CCDC134: variants seen among roughly 807,000 people sequenced by gnomAD.
CCDC134 encodes coiled-coil domain-containing protein 134.
A neutral mutation model predicts 25.6 loss-of-function variants in CCDC134; 27 were observed. The ratio of observed to expected loss-of-function variants is 1.05; its 90% CI spans 0.78 to 1.45. CCDC134 has a LOEUF of 1.45. Ranked by LOEUF, CCDC134 falls within the 40% of genes most tolerant of loss-of-function variation. The pLI is 0.00. For synonymous variants in CCDC134, 110 were observed against 115.0 expected (o/e 0.96, Z 0.28); for missense variants, 261 against 286.7 (o/e 0.91, Z 0.65).
chr22:41,808,123 C>T (rs764402190), intron 1 of CCDC134, among the ~76,000 whole-genome samples: 2 of 151,484 alleles, frequency 1.3e-5, no homozygotes, highest in Non-Finnish European at 2.9e-5. Flanking sequence ...TTGCGCCATT[C>T]CACTCCAGCC....
In CCDC134 at chr22:41,813,195, G is replaced by C. The variant is rs765985176; in HGVS notation, c.311-69G>C. ...TGGTGGATGTCTCTGTTCTCTAGAGGATGCCAGGGGCCAGTGAGGCAGCCA... is the reference window on the plus strand; with the variant it reads ...TGGTGGATGTCTCTGTTCTCTAGAGCATGCCAGGGGCCAGTGAGGCAGCCA... On this transcript the variant is annotated intron_variant, in intron 4 of 6. Coordinates refer to ENST00000255784, the MANE Select transcript of CCDC134 (RefSeq NM_024821.5). The C allele has an allele frequency of 4.0e-6, 6 of 1,504,840 alleles. No individual in the cohort carries two copies. The Admixed American group carries it at 8.5e-5, about 21-fold the overall frequency. The allele number at this position is 1,504,840 out of a possible 1,614,324, so 93.2% of individuals were successfully genotyped here.
chr22:41,831,965 G>A lies in CCDC134; in HGVS notation c.*6142G>A. On this transcript the variant is annotated 3_prime_UTR_variant, in exon 7 of 7. Transcript: ENST00000255784. ...TCCCCATTTTAGAGATGACTAAACT[G>A]AGGCTTAGAACAATTAACCCAAGGT... 6.6e-6 allele frequency: 1 copy of A among 152,132 alleles called. No homozygotes were observed. The highest frequency in any genetic ancestry group is 1.5e-5 in the Non-Finnish European group (1 of 68,034). 9.4% of individuals were successfully genotyped at this position (152,132 alleles called of 1,614,324 possible).
In CCDC134 at chr22:41,803,714, G is replaced by A. The variant is rs961125846; in HGVS notation, c.-17+2948G>A. On this transcript the variant is annotated intron_variant, in intron 1 of 6. Coordinates refer to ENST00000255784, the MANE Select transcript of CCDC134 (RefSeq NM_024821.5). The stretch of plus-strand genomic sequence containing the variant: ...ACCCGGGAGGCAGAGGTTACAGTGA[G>A]CCAAGATGGTGCCACTGCACTCCAG... Among the ~76,000 whole-genome samples the A allele has an allele frequency of 2.0e-5, 3 of 152,266 alleles. No individual in the cohort carries two copies. The East Asian group carries it at 5.8e-4, about 29-fold the overall frequency.
chr22:41,824,701 A>G (rs2076667937), intron 6 of CCDC134, among the ~76,000 whole-genome samples: 1 of 152,140 alleles, frequency 6.6e-6, no homozygotes, highest in South Asian at 2.1e-4. Flanking sequence ...TGGAGGTGGC[A>G]GTGAGCCAAG....
In CCDC134 at chr22:41,826,223, T is replaced by G; in HGVS notation, c.*400T>G. The stretch of plus-strand genomic sequence containing the variant: ...TGCCACCCTGCTGCTGGCCCCACTG[T>G]GTCACAGAGCTGCCTGGCACAGGTC... On this transcript the variant is annotated 3_prime_UTR_variant, in exon 7 of 7. Transcript: ENST00000255784. The G allele has an allele frequency of 5.4e-6, 1 of 184,844 alleles. No individual in the cohort carries two copies. Among genetic ancestry groups the G allele is most frequent in the Non-Finnish European group, 1.2e-5 (1 of 86,876 alleles). The allele number at this position is 184,844 out of a possible 1,614,324, so 11.5% of individuals were successfully genotyped here.
At position 41,828,977 on chromosome 22, in the gene CCDC134, C is replaced by T. The variant is rs1369058278; in HGVS notation, c.*3154C>T. 6.6e-6 allele frequency among the ~76,000 whole-genome samples: 1 copy of T among 152,170 alleles called. No individual in the cohort carries two copies. The highest frequency in any genetic ancestry group is 1.5e-5 in the Non-Finnish European group (1 of 68,028). ...CCTTTAAGACAGCGTTTTCCAGCAGCGGCACTATTAACGTTTGGGGCTAGG... is the reference window on the plus strand; with the variant it reads ...CCTTTAAGACAGCGTTTTCCAGCAGTGGCACTATTAACGTTTGGGGCTAGG... On this transcript the variant is annotated 3_prime_UTR_variant, in exon 7 of 7. Coordinates refer to ENST00000255784, the MANE Select transcript of CCDC134 (RefSeq NM_024821.5).
At chr22:41,802,624 A>T (rs13057327) in intron 1 of CCDC134, among the ~76,000 whole-genome samples, 2 of 152,150 alleles carry the variant, frequency 1.3e-5, no homozygotes, top group African/African-American at 4.8e-5. Flanking sequence ...AAAAATATAT[A>T]TAAATAACAT....
intron 1 of CCDC134, among the ~76,000 whole-genome samples, chr22:41,807,190 G>C (rs1305668880): frequency 1.3e-5 from 2 of 152,160 alleles, no homozygotes; most frequent in African/African-American, 4.8e-5. Flanking sequence ...AGTTATACTA[G>C]AGGAAAACAT....
chr22:41,812,951 C>A (rs185335226), intron 4 of CCDC134, among the ~76,000 whole-genome samples: 1 of 152,184 alleles, frequency 6.6e-6, no homozygotes, highest in Non-Finnish European at 1.5e-5. Flanking sequence ...CAAGATGTGC[C>A]TTTGGGCTGA....
chr22:41,810,400 G>C (rs1010669931), intron 4 of CCDC134, 109 bp downstream of exon 4: 2 of 995,624 alleles, frequency 2.0e-6, no homozygotes, highest in Non-Finnish European at 3.0e-6. Context: ...GTGCCCTCTT[G>C]TGGCACCTTC....
rs922909538 is a variant in CCDC134, at chr22:41,829,862, C to T, written c.*4039C>T. Among the ~76,000 whole-genome samples the T allele has an allele frequency of 6.6e-6, 1 of 152,082 alleles. No homozygotes were observed. The highest frequency in any genetic ancestry group is 2.4e-5 in the African/African-American group (1 of 41,398). ...GATCTCGGCTCACTGCAACCCCCGC[C>T]TCCCGGGTTCAAGTGATTCTTCTGC... On this transcript the variant is annotated 3_prime_UTR_variant, in exon 7 of 7. Coordinates refer to ENST00000255784, the MANE Select transcript of CCDC134 (RefSeq NM_024821.5).
chr22:41,811,034 C>T (rs2076593489), intron 4 of CCDC134, among the ~76,000 whole-genome samples: 2 of 152,180 alleles, frequency 1.3e-5, no homozygotes, highest in Admixed American at 1.3e-4. Flanking sequence ...CCCTGCCTGA[C>T]ATGTCTCAGA....
intron 6 of CCDC134, among the ~76,000 whole-genome samples, chr22:41,822,768 A>G (rs2076658314): frequency 6.6e-6 from 1 of 152,172 alleles, no homozygotes; most frequent in Non-Finnish European, 1.5e-5. Flanking sequence ...ACTCACAGAG[A>G]CAGGAGCAGA....
At position 41,803,249 on chromosome 22, in the gene CCDC134, C is replaced by T. The variant is rs189062545; in HGVS notation, c.-17+2483C>T. ...CTGCACTCCAGCGTGGGTGACAGAG[C>T]GAGACCCTGCCTCAAAAAACCCCAA... is the stretch of plus-strand genomic sequence containing the variant. On this transcript the variant is annotated intron_variant, in intron 1 of 6. Transcript: ENST00000255784. Among the ~76,000 whole-genome samples the T allele has an allele frequency of 2.0e-5, 3 of 151,968 alleles. No homozygotes were observed. In the East Asian group the frequency reaches 5.8e-4, roughly 30 times the overall value.
rs1414996031 is a variant in CCDC134, at chr22:41,813,282, A to T, written c.329A>T (p.Glu110Val). The T allele has an allele frequency of 6.2e-7, 1 of 1,614,068 alleles. No homozygotes were observed. The highest frequency in any genetic ancestry group is 8.5e-7 in the Non-Finnish European group (1 of 1,180,040). The change falls in exon 5 of 7, where the codon GAG becomes GTG. Residue 110 changes from glutamate (E) to valine (V), a missense_variant. Transcript: ENST00000255784. ...KLKDAFSHVV[E>V]NTAFFGDVVL... ...TCGCCAGCTTTCTCCCACGTGGTGG[A>T]GAACACGGCCTTCTTCGGCGATGTG...
chr22:41,817,488 C>A (rs1199892851), intron 6 of CCDC134, among the ~76,000 whole-genome samples: 2 of 151,996 alleles, frequency 1.3e-5, no homozygotes, highest in Non-Finnish European at 2.9e-5. Flanking sequence ...AATCCCAGCA[C>A]TTAGGGACCG....
At chr22:41,800,907 C>G (rs2076018) in intron 1 of CCDC134, 141 bp downstream of exon 1, 15,814 of 152,250 alleles carry the variant, frequency 0.1, 1,011 homozygotes, top group South Asian at 0.19. Flanking sequence ...CTCGCTCCCT[C>G]CTCCGGGAGC....
At chr22:41,818,121 G>A (rs963979429) in intron 6 of CCDC134, among the ~76,000 whole-genome samples, 1 of 152,202 alleles carries the variant, frequency 6.6e-6, no homozygotes. Flanking sequence ...AATCAGCAAA[G>A]GGAAAAGGTG....
intron 1 of CCDC134, among the ~76,000 whole-genome samples, chr22:41,804,298 A>G (rs2076557735): frequency 6.6e-6 from 1 of 152,210 alleles, no homozygotes; most frequent in African/African-American, 2.4e-5. Flanking sequence ...TGTGTGACCC[A>G]TACATTAGGC....
Sources: gnomAD v4.1 joint callset for allele counts (sites outside exome capture counted in the v4.1 genomes callset) on GRCh38, gnomAD v4.1.1 for gene constraint, MANE v1.5 for transcripts, NCBI Gene and HGNC (gene_info 2026-07-23, HGNC 2026-07-21) for gene names.